SPAG16: variants seen among roughly 807,000 people sequenced by gnomAD.
SPAG16 encodes sperm associated antigen 16.
A neutral mutation model predicts 80.4 loss-of-function variants in SPAG16; 86 were observed. That is an observed-to-expected ratio of 1.07 (90% CI 0.90 to 1.28). The LOEUF is 1.28. Ranked by LOEUF, SPAG16 falls within the 50% of genes most tolerant of loss-of-function variation. SPAG16 has a pLI of 0.00. For missense variants in SPAG16, 870 were observed against 765.3 expected, an observed-to-expected ratio of 1.14 and a Z score of -1.61; for synonymous variants, 294 against 265.9, an observed-to-expected ratio of 1.11 and a Z score of -1.03.
At chr2:213,890,094 A>G (rs2076729842) in intron 11 of SPAG16, among the ~76,000 whole-genome samples, 1 of 152,080 alleles carries the variant, frequency 6.6e-6, no homozygotes, top group Non-Finnish European at 1.5e-5. Context: ...TCAATAAAGC[A>G]ACATCAGCCA....
At chr2:213,508,984 ATTTTCTTTTC>A (rs71060434) in intron 10 of SPAG16, among the ~76,000 whole-genome samples, 2 of 147,822 alleles carry the variant, frequency 1.4e-5, no homozygotes, top group Non-Finnish European at 3.0e-5. Flanking sequence ...TCTATACAAT[ATTTTCTTTTC>A]TTTTCTTTTC....
intron 10 of SPAG16, among the ~76,000 whole-genome samples, chr2:213,708,799 A>T (rs981089143): frequency 6.6e-6 from 1 of 152,146 alleles, no homozygotes; most frequent in Non-Finnish European, 1.5e-5. Flanking sequence ...AGGGGGGAAA[A>T]AAGTACTGGG....
intron 10 of SPAG16, among the ~76,000 whole-genome samples, chr2:213,541,278 C>T (rs950424740): frequency 1.3e-5 from 2 of 152,132 alleles, no homozygotes; most frequent in African/African-American, 4.8e-5. Flanking sequence ...CATTAGGATG[C>T]AGAAATTAGG....
rs532256021 is a variant in SPAG16 at position 214,064,998 on chromosome 2, T to A, written c.1528-43198T>A. 5.6e-4 allele frequency among the ~76,000 whole-genome samples: 85 copies of A among 152,096 alleles called. No individual in the cohort carries two copies. In the South Asian group the frequency reaches 7.3e-3, roughly 13 times the overall value. On this transcript the variant is annotated intron_variant, in intron 13 of 15. Transcript: ENST00000331683. ...ATATAAGAATAAATAATAATAACAG[T>A]AACTTGTATTTCTACTGTGCTAAGA...
At chr2:213,323,687 A>G (rs1323578628) in intron 5 of SPAG16, among the ~76,000 whole-genome samples, 1 of 152,222 alleles carries the variant, frequency 6.6e-6, no homozygotes, top group Non-Finnish European at 1.5e-5. Flanking sequence ...TGTGTTCATT[A>G]CAGCATTATT....
intron 10 of SPAG16, among the ~76,000 whole-genome samples, chr2:213,679,220 C>T (rs1574778283): frequency 6.6e-6 from 1 of 152,324 alleles, no homozygotes; most frequent in African/African-American, 2.4e-5. Context: ...ATTATCTATA[C>T]ACTATGGTCA....
At chr2:214,085,872 G>C (rs746460218) in intron 13 of SPAG16, among the ~76,000 whole-genome samples, 2 of 152,138 alleles carry the variant, frequency 1.3e-5, no homozygotes, top group Non-Finnish European at 2.9e-5. Context: ...GCACTTTTGC[G>C]TGATATTTAT....
chr2:214,009,625 C>T (rs1171797234), intron 12 of SPAG16, among the ~76,000 whole-genome samples: 1 of 152,064 alleles, frequency 6.6e-6, no homozygotes, highest in Non-Finnish European at 1.5e-5. Flanking sequence ...GAGGCAGGCT[C>T]ATTGAGAGTT....
intron 12 of SPAG16, among the ~76,000 whole-genome samples, chr2:214,010,149 A>G (rs1335377204): frequency 6.8e-6 from 1 of 146,428 alleles, no homozygotes; most frequent in African/African-American, 2.7e-5. Flanking sequence ...ATGCAAATAA[A>G]AAGCAGACTG....
chr2:214,135,750 A>T lies in SPAG16; in HGVS notation c.1594-13390A>T, dbSNP rs201673346. Among the ~76,000 whole-genome samples, 372 of 121,756 alleles carry T rather than the reference A, an allele frequency of 3.1e-3. 5 individuals carry two copies. The highest frequency in any genetic ancestry group is 0.019 in the Admixed American group (244 of 12,650). 79.9% of individuals were successfully genotyped at this position (121,756 alleles called of 152,430 possible). A position where few individuals can be genotyped will look rare whatever the true frequency, so the allele number is the denominator to read the frequency against. ...CTCTCTCTCTCTCTCTCTCTCTCTC[A>T]CTCTTGCTTTTCTCTCTTGCCATGT... On this transcript the variant is annotated intron_variant, in intron 14 of 15. Coordinates refer to ENST00000331683, the MANE Select transcript of SPAG16 (RefSeq NM_024532.5).
intron 15 of SPAG16, among the ~76,000 whole-genome samples, chr2:214,347,088 A>G (rs1698098951): frequency 6.6e-6 from 1 of 152,312 alleles, no homozygotes; most frequent in African/African-American, 2.4e-5. Flanking sequence ...AGCCTTGAAG[A>G]TGCTATTGGT....
chr2:214,074,675 C>T (rs1026506719), intron 13 of SPAG16, among the ~76,000 whole-genome samples: 4 of 151,738 alleles, frequency 2.6e-5, no homozygotes, highest in African/African-American at 9.7e-5. Context: ...AAATATGAAG[C>T]ACTCCTGTAA....
intron 15 of SPAG16, among the ~76,000 whole-genome samples, chr2:214,402,126 T>A (rs572947693): frequency 1.6e-4 from 24 of 152,136 alleles, no homozygotes; most frequent in Admixed American, 3.3e-4. Context: ...TAACTAGTGT[T>A]GTGAATTATT....
At position 213,735,900 on chromosome 2, in the gene SPAG16, A is replaced by T. The variant is rs112326274; in HGVS notation, c.1071-126585A>T. Among the ~76,000 whole-genome samples, 13 of 152,348 alleles carry T rather than the reference A, an allele frequency of 8.5e-5. 1 individual carries two copies. The highest frequency in any genetic ancestry group is 2.4e-4 in the African/African-American group (10 of 41,584). On this transcript the variant is annotated intron_variant, in intron 10 of 15. Coordinates refer to ENST00000331683, the MANE Select transcript of SPAG16 (RefSeq NM_024532.5). ...GTTTTGAATATTATGGATGGGGCAT[A>T]AAATGTAAGTTTAGATACCGTCATT...
intron 14 of SPAG16, among the ~76,000 whole-genome samples, chr2:214,115,606 C>T (rs1463105338): frequency 6.6e-6 from 1 of 152,154 alleles, no homozygotes; most frequent in South Asian, 2.1e-4. Context: ...CAACTGGGCA[C>T]AGTGGCTCAT....
At position 214,302,743 on chromosome 2, in the gene SPAG16, G is replaced by A. The variant is rs187144399; in HGVS notation, c.1721-107397G>A. On this transcript the variant is annotated intron_variant, in intron 15 of 15. Coordinates refer to ENST00000331683, the MANE Select transcript of SPAG16 (RefSeq NM_024532.5). ...AGTGATCCACCTGCCTCAGCCTCCC[G>A]AAGTGCTGGGATTACAGGTGTGAGC... 6.4e-3 allele frequency among the ~76,000 whole-genome samples: 968 copies of A among 152,140 alleles called. 6 individuals are homozygous for A. The highest frequency in any genetic ancestry group is 0.022 in the African/African-American group (906 of 41,524).
At chr2:213,695,288 C>T (rs577414474) in intron 10 of SPAG16, among the ~76,000 whole-genome samples, 1 of 152,192 alleles carries the variant, frequency 6.6e-6, no homozygotes, top group East Asian at 1.9e-4. Flanking sequence ...TCTTCACTTA[C>T]CTCATCTACC....
chr2:214,004,402 A>T (rs2046934394), intron 12 of SPAG16, among the ~76,000 whole-genome samples: 1 of 152,106 alleles, frequency 6.6e-6, no homozygotes, highest in African/African-American at 2.4e-5. Context: ...AGAGACGGGG[A>T]GGCAAGCTGT....
intron 15 of SPAG16, among the ~76,000 whole-genome samples, chr2:214,278,983 A>T (rs551080244): frequency 6.6e-6 from 1 of 152,256 alleles, no homozygotes; most frequent in African/African-American, 2.4e-5. Flanking sequence ...CAGATTTTTT[A>T]TTTTGAACAT....
Sources: gnomAD v4.1 joint callset for allele counts (sites outside exome capture counted in the v4.1 genomes callset) on GRCh38, gnomAD v4.1.1 for gene constraint, MANE v1.5 for transcripts, NCBI Gene and HGNC (gene_info 2026-07-23, HGNC 2026-07-21) for gene names.